Variants in PCDHGB1 observed in about 807,000 individuals in gnomAD.
PCDHGB1 encodes the protein protocadherin gamma subfamily B, 1, also known as protocadherin gamma-B1.
A neutral mutation model predicts 56.6 loss-of-function variants in PCDHGB1; 34 were observed. The ratio of observed to expected loss-of-function variants is 0.60; its 90% confidence interval spans 0.46 to 0.80. The LOEUF is 0.80. Ranked by LOEUF, PCDHGB1 falls within the 30% of genes least tolerant of loss-of-function variation. The probability of loss-of-function intolerance (pLI) is 0.00; values close to 1 mark genes in which losing one functional copy is unlikely to be tolerated. For missense variants in PCDHGB1, 1,278 were observed against 1,204.6 expected (o/e 1.06, Z -0.90); for synonymous variants, 561 against 505.9 (o/e 1.11, Z -1.46).
rs762770481 is a variant in PCDHGB1, at chr5:141,432,320, G to GACT, written c.2410-62484_2410-62482dup. On this transcript the variant is annotated intron_variant, in intron 1 of 3. Coordinates refer to ENST00000523390, the MANE Select transcript of PCDHGB1 (RefSeq NM_018922.3). This position sits in a 1 kb window ranked among gnomAD's most constrained non-coding sequence, Gnocchi z 6.0. ...GGTACTGTATGCGCTGAGCTCCTTC[G>GACT]ACTACGAGCAGTTCCGAGACTTGCA... is the stretch of plus-strand genomic sequence containing the variant. The GACT allele has an allele frequency of 2.6e-5, 42 of 1,614,238 alleles. No individual in the cohort carries two copies. The highest frequency in any genetic ancestry group is 3.6e-5 in the Non-Finnish European group (42 of 1,180,038).
Position 141,383,135 on chromosome 5 carries a change from A to T in PCDHGB1, c.2409+30466A>T. On this transcript the variant is annotated intron_variant, in intron 1 of 3. Coordinates refer to ENST00000523390, the MANE Select transcript of PCDHGB1 (RefSeq NM_018922.3). ...AGGACGCAGCTTTTCGCCCTGAACC[A>T]GCGCAGCGGCAGCTTGGTCACTGCG... The T allele has an allele frequency of 1.2e-5, 20 of 1,614,114 alleles. No homozygotes were observed. Among genetic ancestry groups the T allele is most frequent in the Non-Finnish European group, 1.7e-5 (20 of 1,179,996 alleles).
chr5:141,454,842 C>T lies in PCDHGB1; in HGVS notation c.2410-39965C>T, dbSNP rs543795114. 1.2e-4 allele frequency among the ~76,000 whole-genome samples: 12 copies of T among 101,680 alleles called. No homozygotes were observed. The East Asian group carries it at 3.9e-3, about 33-fold the overall frequency. 66.7% of individuals were successfully genotyped at this position (101,680 alleles called of 152,430 possible). ...TTTTTTTTTGAGACAGAGTCGCGCTCTGTCACCCAGGCTGGAGTGCAGTGG... is the reference window on the plus strand; with the variant it reads ...TTTTTTTTTGAGACAGAGTCGCGCTTTGTCACCCAGGCTGGAGTGCAGTGG... On this transcript the variant is annotated intron_variant, in intron 1 of 3. Coordinates refer to ENST00000523390, the MANE Select transcript of PCDHGB1 (RefSeq NM_018922.3).
intron 2 of PCDHGB1, among the ~76,000 whole-genome samples, chr5:141,500,906 G>C (rs1333707004): frequency 6.7e-6 from 1 of 149,672 alleles, no homozygotes; most frequent in African/African-American, 2.5e-5. Flanking sequence ...GTCTCGCTCT[G>C]TCTCCAGGCT....
In PCDHGB1 at chr5:141,409,393, T is replaced by C. The variant is rs539937433; in HGVS notation, c.2409+56724T>C. 4.8e-5 allele frequency: 77 copies of C among 1,614,062 alleles called. 1 individual carries two copies. In the East Asian group the frequency reaches 1.7e-3, roughly 35 times the overall value. On this transcript the variant is annotated intron_variant, in intron 1 of 3. Coordinates refer to ENST00000523390, the MANE Select transcript of PCDHGB1 (RefSeq NM_018922.3). ...ACATTCCATTCAAGATTTATTCTTC[T>C]TCCAATAACTACTACAAACTGGTGA...
intron 1 of PCDHGB1, chr5:141,371,552 A>G (rs1414054761): frequency 1.9e-6 from 3 of 1,613,854 alleles, no homozygotes; most frequent in Admixed American, 1.7e-5. Context: ...TATGCCAACT[A>G]AAAGGAAACT....
At chr5:141,420,412 T>A in intron 1 of PCDHGB1, 1 of 1,225,004 alleles carries the variant, frequency 8.2e-7, no homozygotes, top group Non-Finnish European at 1.1e-6. Flanking sequence ...TGGTTATCAT[T>A]ATTAAAACAA....
At chr5:141,391,803 G>A (rs953210867) in intron 1 of PCDHGB1, 5 of 152,172 alleles carry the variant, frequency 3.3e-5, no homozygotes, top group African/African-American at 1.2e-4. Flanking sequence ...TTAGATCAAA[G>A]TGTTAATGTA....
rs367846497 is a variant in PCDHGB1 at position 141,359,217 on chromosome 5, C to A, written c.2409+6548C>A. Among the ~76,000 whole-genome samples, 5 of 152,158 alleles carry A rather than the reference C, an allele frequency of 3.3e-5. No homozygotes were observed. In the East Asian group the frequency reaches 5.8e-4, roughly 18 times the overall value. Reference sequence around the variant, plus strand: ...CAAGTGAATGTTGAGAGACAACTTACATCTGAGGAGAGATTGTTTAAAGTA... The same window carrying A: ...CAAGTGAATGTTGAGAGACAACTTAAATCTGAGGAGAGATTGTTTAAAGTA... On this transcript the variant is annotated intron_variant, in intron 1 of 3. Transcript: ENST00000523390.
intron 1 of PCDHGB1, chr5:141,423,750 TGGG>T: frequency 4.5e-5 from 13 of 287,436 alleles, no homozygotes; most frequent in South Asian, 1.7e-4. Flanking sequence ...GAAAACTGTT[TGGG>T]GGGGGGGTGG....
chr5:141,415,893 A>G, intron 1 of PCDHGB1: 2 of 904,826 alleles, frequency 2.2e-6, no homozygotes, highest in Non-Finnish European at 3.0e-6. Flanking sequence ...GACAATTCCT[A>G]AGACAGACTT....
chr5:141,448,669 G>A (rs553283446), intron 1 of PCDHGB1, among the ~76,000 whole-genome samples: 13 of 152,136 alleles, frequency 8.5e-5, no homozygotes, highest in African/African-American at 7.2e-5. Flanking sequence ...GGCCGGGCGC[G>A]GTGGCTCACG....
chr5:141,450,386 A>T (rs1208546397), intron 1 of PCDHGB1, among the ~76,000 whole-genome samples: 2 of 152,192 alleles, frequency 1.3e-5, no homozygotes, highest in Non-Finnish European at 2.9e-5. Flanking sequence ...TGAAACTGAC[A>T]TTTGTAAAGA....
chr5:141,374,896 A>T (rs1038384205), intron 1 of PCDHGB1: 1 of 1,613,804 alleles, frequency 6.2e-7, no homozygotes, highest in Non-Finnish European at 8.5e-7. Flanking sequence ...ACCAGGATGA[A>T]GGAGTCCACG....
intron 1 of PCDHGB1, among the ~76,000 whole-genome samples, chr5:141,463,573 C>T (rs1331124291): frequency 6.6e-6 from 1 of 151,436 alleles, no homozygotes; most frequent in East Asian, 1.9e-4. Flanking sequence ...CTCAGCCTCC[C>T]GAGTAGCTGG....
intron 1 of PCDHGB1, among the ~76,000 whole-genome samples, chr5:141,433,573 C>T (rs1400327372): frequency 1.3e-5 from 2 of 152,046 alleles, no homozygotes; most frequent in Admixed American, 1.3e-4. Flanking sequence ...CGGTGGCTCA[C>T]GCCTGTAATC....
chr5:141,465,454 T>G (rs1031876441), intron 1 of PCDHGB1, among the ~76,000 whole-genome samples: 1 of 152,184 alleles, frequency 6.6e-6, no homozygotes, highest in African/African-American at 2.4e-5. Context: ...AAGAAAACTC[T>G]CACCAAATTG....
intron 1 of PCDHGB1, among the ~76,000 whole-genome samples, chr5:141,359,151 T>C (rs1761131965): frequency 6.6e-6 from 1 of 152,200 alleles, no homozygotes; most frequent in South Asian, 2.1e-4. Flanking sequence ...GAATATGATA[T>C]GATGCAGTTA....
At chr5:141,376,199 G>T in intron 1 of PCDHGB1, 3 of 1,614,162 alleles carry the variant, frequency 1.9e-6, no homozygotes, top group Non-Finnish European at 2.5e-6. Flanking sequence ...CGTCTTCCTG[G>T]CCTTCGTCAT....
chr5:141,489,093 A>T lies in PCDHGB1; in HGVS notation c.2410-5714A>T. ...GCCCACCCCCGCCACTCGGTGACTA[A>T]GAACTGCTGCAAGCAGGCAAACCTC... is the stretch of plus-strand genomic sequence containing the variant. On this transcript the variant is annotated intron_variant, in intron 1 of 3. Coordinates refer to ENST00000523390, the MANE Select transcript of PCDHGB1 (RefSeq NM_018922.3). This position sits in a 1 kb window ranked among gnomAD's most constrained non-coding sequence, Gnocchi z 4.5. 2.1e-6 allele frequency: 1 copy of T among 477,272 alleles called. No individual in the cohort carries two copies. Among genetic ancestry groups the T allele is most frequent in the Non-Finnish European group, 3.6e-6 (1 of 276,700 alleles). The allele number at this position is 477,272 out of a possible 1,614,324, so 29.6% of individuals were successfully genotyped here.
Sources: allele counts gnomAD v4.1 joint callset (sites outside exome capture counted in the v4.1 genomes callset), GRCh38; gene constraint gnomAD v4.1.1; non-coding constraint Gnocchi (gnomAD v3.1); transcripts MANE v1.5; gene names NCBI Gene and HGNC (gene_info 2026-07-23, HGNC 2026-07-21).